Variants in CRYL1 observed in about 807,000 individuals in gnomAD.
The protein encoded by CRYL1 is lambda-crystallin homolog.
Under a neutral mutation model 36.6 loss-of-function variants are expected in CRYL1, and 29 were observed. That is an observed-to-expected ratio of 0.79 (90% confidence interval 0.59 to 1.08). The LOEUF is 1.08. CRYL1 is among the 50% of genes least tolerant of loss of function. The probability of loss-of-function intolerance (pLI) is 0.00; values close to 1 mark genes in which losing one functional copy is unlikely to be tolerated. For synonymous variants in CRYL1, 152 were observed against 151.5 expected (o/e 1.00, Z -0.02); for missense variants, 411 against 407.9 (o/e 1.01, Z -0.06).
intron 5 of CRYL1, chr13:20,426,801 G>A: frequency 1.0e-6 from 1 of 985,490 alleles, no homozygotes; most frequent in Non-Finnish European, 1.2e-6. Flanking sequence ...CAACGATGAA[G>A]TTCTGGAATC....
At chr13:20,499,208 T>C (rs1414624874) in intron 2 of CRYL1, among the ~76,000 whole-genome samples, 1 of 151,762 alleles carries the variant, frequency 6.6e-6, no homozygotes, top group Non-Finnish European at 1.5e-5. Context: ...TAGCTGGGTG[T>C]GATGGCGCAT....
chr13:20,495,415 G>T (rs1212440789), intron 2 of CRYL1, among the ~76,000 whole-genome samples: 1 of 152,074 alleles, frequency 6.6e-6, no homozygotes, highest in Non-Finnish European at 1.5e-5. Context: ...CAATTCTCAC[G>T]GTAGGACAGG....
chr13:20,463,165 C>A (rs1284795838), intron 3 of CRYL1, among the ~76,000 whole-genome samples: 2 of 152,152 alleles, frequency 1.3e-5, no homozygotes, highest in Non-Finnish European at 2.9e-5. Flanking sequence ...TCGCACCTAC[C>A]AGGCAACCTG....
chr13:20,508,691 A>C (rs2033847919), intron 2 of CRYL1, among the ~76,000 whole-genome samples: 2 of 150,172 alleles, frequency 1.3e-5, no homozygotes, highest in African/African-American at 4.9e-5. Flanking sequence ...CTAAAAATAC[A>C]AAAAAAAATT....
rs116815854 is a variant in CRYL1 at position 20,403,745 on chromosome 13, C to T, written c.*384G>A. ...GTAGGTGCCTCATAAATGCAGGGCC[C>T]CAGAGTACTCAGAAAGGGATTAGAA... On this transcript the variant is annotated 3_prime_UTR_variant, in exon 8 of 8. Coordinates refer to ENST00000298248, the MANE Select transcript of CRYL1 (RefSeq NM_015974.3). 432 of 158,980 alleles carry T rather than the reference C, an allele frequency of 2.7e-3. 1 individual carries two copies. The highest frequency in any genetic ancestry group is 9.8e-3 in the African/African-American group (409 of 41,632). The allele number at this position is 158,980 out of a possible 1,614,324, so 9.8% of individuals were successfully genotyped here.
At chr13:20,427,212 G>A (rs1205639859) in intron 5 of CRYL1, 28 of 985,320 alleles carry the variant, frequency 2.8e-5, no homozygotes, top group African/African-American at 1.0e-4. Context: ...GCACGCCTCC[G>A]GCAGGGGAAG....
intron 5 of CRYL1, among the ~76,000 whole-genome samples, chr13:20,419,742 A>G (rs1032116331): frequency 6.6e-6 from 1 of 152,162 alleles, no homozygotes; most frequent in African/African-American, 2.4e-5. Context: ...GAACTACCAC[A>G]ATGATTCATG....
intron 2 of CRYL1, among the ~76,000 whole-genome samples, chr13:20,494,359 T>G (rs1431728369): frequency 6.6e-6 from 1 of 152,206 alleles, no homozygotes; most frequent in Admixed American, 6.5e-5. Flanking sequence ...GAAAGAATAA[T>G]AAACATCCTC....
chr13:20,414,892 T>A (rs1432075423), intron 5 of CRYL1, among the ~76,000 whole-genome samples: 1 of 152,154 alleles, frequency 6.6e-6, no homozygotes, highest in Non-Finnish European at 1.5e-5. Context: ...GCCGCCACCT[T>A]TTCCCCTACG....
chr13:20,495,488 T>A (rs1361104891), intron 2 of CRYL1, among the ~76,000 whole-genome samples: 1 of 152,192 alleles, frequency 6.6e-6, no homozygotes, highest in African/African-American at 2.4e-5. Flanking sequence ...AAGGAGCATG[T>A]ATTTATTTTT....
intron 1 of CRYL1, among the ~76,000 whole-genome samples, chr13:20,517,735 G>A (rs1371817115): frequency 2.0e-5 from 3 of 152,032 alleles, no homozygotes; most frequent in Non-Finnish European, 4.4e-5. Flanking sequence ...AGGAGATCGA[G>A]ACCAACCTGG....
At chr13:20,482,438 T>C (rs1253538437) in intron 3 of CRYL1, among the ~76,000 whole-genome samples, 1 of 152,232 alleles carries the variant, frequency 6.6e-6, no homozygotes. Flanking sequence ...GCTTTAAAAG[T>C]CAAGGCTTGA....
intron 3 of CRYL1, among the ~76,000 whole-genome samples, chr13:20,464,344 A>C (rs1433490363): frequency 1.3e-5 from 2 of 152,208 alleles, no homozygotes; most frequent in East Asian, 1.9e-4. Flanking sequence ...CAGTGAGCCG[A>C]GATTGTGCCA....
chr13:20,454,197 A>C (rs2032629638), intron 3 of CRYL1, among the ~76,000 whole-genome samples: 1 of 152,212 alleles, frequency 6.6e-6, no homozygotes, highest in Admixed American at 6.5e-5. Context: ...ATGGGGAAAA[A>C]AAATCTATTC....
Position 20,403,691 on chromosome 13 carries a change from T to C in CRYL1, c.*438A>G, listed in dbSNP as rs2031285964. On this transcript the variant is annotated 3_prime_UTR_variant, in exon 8 of 8. Transcript: ENST00000298248. ...ATGTCTTTAAGGAATCAAAAACTTT[T>C]ATTCAGAATAAGCGTTAGCAAAATG... 6.5e-6 allele frequency: 1 copy of C among 152,972 alleles called. No homozygotes were observed. Among genetic ancestry groups the C allele is most frequent in the African/African-American group, 2.4e-5 (1 of 41,460 alleles). The allele number at this position is 152,972 out of a possible 1,614,324, so 9.5% of individuals were successfully genotyped here. A position where few individuals can be genotyped will look rare whatever the true frequency, so the allele number is the denominator to read the frequency against.
In CRYL1 at chr13:20,425,138, A is replaced by G. The variant is rs1420912511; in HGVS notation, c.633+6964T>C. On this transcript the variant is annotated intron_variant, in intron 5 of 7. Coordinates refer to ENST00000298248, the MANE Select transcript of CRYL1 (RefSeq NM_015974.3). The surrounding 1 kb of genome is among the most constrained non-coding windows in gnomAD (Gnocchi z 4.4). Reference sequence around the variant, plus strand: ...TGCACCACAGTCTGAAGCAAACCACAGCAATTCACTTCCAACGCCGTCCTT... The same window carrying G: ...TGCACCACAGTCTGAAGCAAACCACGGCAATTCACTTCCAACGCCGTCCTT... 6.6e-6 allele frequency among the ~76,000 whole-genome samples: 1 copy of G among 152,174 alleles called. No homozygotes were observed. The highest frequency in any genetic ancestry group is 6.5e-5 in the Admixed American group (1 of 15,282).
chr13:20,423,360 G>C (rs910418668), intron 5 of CRYL1, among the ~76,000 whole-genome samples: 3 of 152,318 alleles, frequency 2.0e-5, no homozygotes, highest in East Asian at 1.9e-4. Context: ...TAGAAGAAAA[G>C]CCTTCAACTT....
chr13:20,503,290 C>G (rs1431077168), intron 2 of CRYL1, among the ~76,000 whole-genome samples: 1 of 152,228 alleles, frequency 6.6e-6, no homozygotes, highest in Non-Finnish European at 1.5e-5. Flanking sequence ...GCAGCCACTG[C>G]CATGAACTTT....
intron 3 of CRYL1, among the ~76,000 whole-genome samples, chr13:20,477,414 G>A (rs993304701): frequency 6.6e-6 from 1 of 151,188 alleles, no homozygotes; most frequent in African/African-American, 2.4e-5. Flanking sequence ...ATAGCAGTAG[G>A]TAAAACAATC....
Sources: gnomAD v4.1 joint callset for allele counts (sites outside exome capture counted in the v4.1 genomes callset) on GRCh38, gnomAD v4.1.1 for gene constraint, Gnocchi (gnomAD v3.1) non-coding constraint, MANE v1.5 for transcripts, NCBI Gene and HGNC (gene_info 2026-07-23, HGNC 2026-07-21) for gene names.